Variants in KPNA4 observed in about 807,000 individuals in gnomAD.
KPNA4 encodes karyopherin subunit alpha 4, also known as importin subunit alpha-3.
A neutral mutation model predicts 71.3 loss-of-function variants in KPNA4; 13 were observed. The ratio of observed to expected loss-of-function variants is 0.18; its 90% CI spans 0.12 to 0.29. The LOEUF (loss-of-function observed/expected upper bound fraction) is 0.29, where lower values mean the gene tolerates loss of function less well. KPNA4 is among the 10% of genes least tolerant of loss of function. The pLI is 1.00. For synonymous variants in KPNA4, 189 were observed against 195.2 expected (o/e 0.97, Z 0.26); for missense variants, 334 against 603.2 (o/e 0.55, Z 4.67).
chr3:160,553,193 T>A (rs1722075191), intron 1 of KPNA4, among the ~76,000 whole-genome samples: 1 of 152,150 alleles, frequency 6.6e-6, no homozygotes, highest in African/African-American at 2.4e-5. Context: ...TAAAAGAAAC[T>A]GCTCTTTCCG....
rs1721022284 is a variant in KPNA4, at chr3:160,508,088, G to C, written c.1372+19C>G. The C allele has an allele frequency of 5.7e-6, 9 of 1,574,380 alleles. No individual in the cohort carries two copies. Among genetic ancestry groups the C allele is most frequent in the African/African-American group, 2.7e-5 (2 of 73,378 alleles). On this transcript the variant is annotated intron_variant, in intron 15 of 16. Coordinates refer to ENST00000334256, the MANE Select transcript of KPNA4 (RefSeq NM_002268.5). ...AAGAGAACATTAAGATGTGGAATAA[G>C]AGCTTATAATAAACTTACCTCCACA... is the stretch of plus-strand genomic sequence containing the variant.
intron 15 of KPNA4, among the ~76,000 whole-genome samples, chr3:160,507,347 A>G (rs546285986): frequency 2.2e-3 from 334 of 152,140 alleles, no homozygotes; most frequent in African/African-American, 7.5e-3. Context: ...AAATATACAA[A>G]AAATTAGCTG....
At chr3:160,549,225 C>T (rs973084883) in intron 1 of KPNA4, among the ~76,000 whole-genome samples, 8 of 152,208 alleles carry the variant, frequency 5.3e-5, no homozygotes, top group African/African-American at 1.9e-4. Flanking sequence ...TATTTTCTCA[C>T]ATTCTGCAGG....
At chr3:160,539,563 T>C (rs1036438819) in intron 1 of KPNA4, among the ~76,000 whole-genome samples, 1 of 152,168 alleles carries the variant, frequency 6.6e-6, no homozygotes, top group Admixed American at 6.5e-5. Flanking sequence ...TTCAAGTGAA[T>C]TGGAGAGCCA....
intron 1 of KPNA4, among the ~76,000 whole-genome samples, chr3:160,552,899 A>G (rs1489461565): frequency 1.3e-5 from 2 of 152,188 alleles, no homozygotes; most frequent in African/African-American, 4.8e-5. Context: ...CAAATTTGGT[A>G]TGGCCTTGAA....
At chr3:160,527,811 T>C (rs1055319036) in intron 8 of KPNA4, 142 bp downstream of exon 8, 2 of 542,104 alleles carry the variant, frequency 3.7e-6, no homozygotes, top group Non-Finnish European at 6.6e-6. Flanking sequence ...TTTACAGTAA[T>C]ACAGTTCAAA....
intron 1 of KPNA4, among the ~76,000 whole-genome samples, chr3:160,548,315 CACATA>C (rs577431905): frequency 2.6e-5 from 4 of 152,016 alleles, no homozygotes; most frequent in South Asian, 2.1e-4. Context: ...TAGTAAAAAA[CACATA>C]ACATAAGCTT....
intron 10 of KPNA4, among the ~76,000 whole-genome samples, chr3:160,523,063 C>T (rs1244680734): frequency 6.6e-6 from 1 of 152,124 alleles, no homozygotes; most frequent in East Asian, 1.9e-4. Context: ...CAAATAAATA[C>T]ACAAATTATT....
intron 1 of KPNA4, among the ~76,000 whole-genome samples, chr3:160,537,180 CAA>C (rs951636714): frequency 6.7e-6 from 1 of 148,500 alleles, no homozygotes; most frequent in Non-Finnish European, 1.5e-5. Context: ...GATGATATTA[CAA>C]AAAATAACAC....
At chr3:160,547,456 A>G (rs1030540554) in intron 1 of KPNA4, among the ~76,000 whole-genome samples, 1 of 152,194 alleles carries the variant, frequency 6.6e-6, no homozygotes, top group African/African-American at 2.4e-5. Context: ...GGAAAACAGT[A>G]AAAAGTACAG....
chr3:160,533,887 G>A (rs1721624101), intron 5 of KPNA4, among the ~76,000 whole-genome samples: 1 of 152,180 alleles, frequency 6.6e-6, no homozygotes, highest in Non-Finnish European at 1.5e-5. Context: ...ATTGCATGTT[G>A]AGAAGAACTG....
intron 15 of KPNA4, among the ~76,000 whole-genome samples, chr3:160,505,579 G>A (rs1030589458): frequency 3.9e-5 from 6 of 152,086 alleles, no homozygotes; most frequent in Non-Finnish European, 8.8e-5. Flanking sequence ...TAAATTATAG[G>A]CAGAAACATT....
chr3:160,522,006 TCTTC>T (rs1721358555), intron 10 of KPNA4, 96 bp from the exon 11 acceptor site: 1 of 989,508 alleles, frequency 1.0e-6, no homozygotes, highest in African/African-American at 1.6e-5. Flanking sequence ...TCAACTACCT[TCTTC>T]CTTCTTTTCT....
chr3:160,497,012 T>C lies in KPNA4; in HGVS notation c.*5092A>G, dbSNP rs963862478. ...ATGTTAAATCTACTTTTCTTATACATGATTGGTGTGCTTAGTTTTTTATCA... is the reference window on the plus strand; with the variant it reads ...ATGTTAAATCTACTTTTCTTATACACGATTGGTGTGCTTAGTTTTTTATCA... On this transcript the variant is annotated 3_prime_UTR_variant, in exon 17 of 17. Coordinates refer to ENST00000334256, the MANE Select transcript of KPNA4 (RefSeq NM_002268.5). 3 of 152,230 alleles carry C rather than the reference T, an allele frequency of 2.0e-5. No individual in the cohort carries two copies. The highest frequency in any genetic ancestry group is 7.2e-5 in the African/African-American group (3 of 41,464). The allele number at this position is 152,230 out of a possible 1,614,324, so 9.4% of individuals were successfully genotyped here.
intron 13 of KPNA4, 32 bp downstream of exon 13, chr3:160,514,045 G>T (rs1577048131): frequency 7.7e-7 from 1 of 1,294,800 alleles, no homozygotes; most frequent in Non-Finnish European, 1.1e-6. Flanking sequence ...CCTTACATCA[G>T]ATAAATGATA....
In KPNA4 at chr3:160,501,960, G is replaced by A. The variant is rs527284009; in HGVS notation, c.*144C>T. 7.8e-5 allele frequency: 22 copies of A among 280,524 alleles called. No individual in the cohort carries two copies. Among genetic ancestry groups the A allele is most frequent in the Middle Eastern group, 1.2e-3 (1 of 834 alleles). The allele number at this position is 280,524 out of a possible 1,614,324, so 17.4% of individuals were successfully genotyped here. ...ATGAAATCTTCACATTTTCTTTCCC[G>A]ATTTAATGCAGCAGCAGATCCCATG... On this transcript the variant is annotated 3_prime_UTR_variant, in exon 17 of 17. Coordinates refer to ENST00000334256, the MANE Select transcript of KPNA4 (RefSeq NM_002268.5).
intron 15 of KPNA4, among the ~76,000 whole-genome samples, chr3:160,506,434 GTGCTGGGAT>G (rs1411812503): frequency 1.3e-5 from 2 of 152,134 alleles, no homozygotes; most frequent in Non-Finnish European, 2.9e-5. Flanking sequence ...GCCTCCCAAA[GTGCTGGGAT>G]TACAGGTGTG....
chr3:160,553,507 A>G (rs1722079951), intron 1 of KPNA4, among the ~76,000 whole-genome samples: 1 of 152,230 alleles, frequency 6.6e-6, no homozygotes, highest in African/African-American at 2.4e-5. Flanking sequence ...TTGCAGATCC[A>G]TGAACACCTA....
chr3:160,545,777 G>T (rs149969229), intron 1 of KPNA4, among the ~76,000 whole-genome samples: 2 of 152,218 alleles, frequency 1.3e-5, no homozygotes, highest in African/African-American at 4.8e-5. Flanking sequence ...TTGGACCAGA[G>T]TGGTCGCAGT....
Sources: gnomAD v4.1 joint callset for allele counts (sites outside exome capture counted in the v4.1 genomes callset) on GRCh38, gnomAD v4.1.1 for gene constraint, MANE v1.5 for transcripts, NCBI Gene and HGNC (gene_info 2026-07-23, HGNC 2026-07-21) for gene names.